The following EVA1C variants were observed in gnomAD, a reference collection of about 807,000 sequenced individuals.
The protein encoded by EVA1C is eva-1 homolog C, also known as protein eva-1 homolog C.
A neutral mutation model predicts 45.4 loss-of-function variants in EVA1C; 25 were observed. The ratio of observed to expected loss-of-function variants is 0.55; its 90% CI spans 0.40 to 0.77. EVA1C has a LOEUF of 0.77. Among genes scored for constraint, EVA1C ranks in the 30% least tolerant of loss-of-function variants. The pLI, the probability that EVA1C is intolerant of heterozygous loss-of-function variation, is 0.00. For synonymous variants in EVA1C, 190 were observed against 221.2 expected (o/e 0.86, Z 1.25); for missense variants, 479 against 554.8 (o/e 0.86, Z 1.37).
rs547743305 is a variant in EVA1C at position 32,437,549 on chromosome 21, A to G, written c.161-15763A>G. ...TAAGATTCAGACTTCTTAGCAAGGC[A>G]CTGCTTATTTCTCCAGCCTCTGTGA... is the stretch of plus-strand genomic sequence containing the variant. On this transcript the variant is annotated intron_variant, in intron 1 of 7. Coordinates refer to ENST00000300255, the MANE Select transcript of EVA1C (RefSeq NM_058187.5). 6.6e-5 allele frequency among the ~76,000 whole-genome samples: 10 copies of G among 152,340 alleles called. No individual in the cohort carries two copies. The South Asian group carries it at 2.1e-3, about 32-fold the overall frequency.
At chr21:32,507,427 C>T (rs1401038256) in intron 7 of EVA1C, among the ~76,000 whole-genome samples, 4 of 136,340 alleles carry the variant, frequency 2.9e-5, no homozygotes, top group African/African-American at 5.6e-5. Flanking sequence ...TATGTGTGCA[C>T]GTGTGTGTGC....
chr21:32,485,191 CT>C (rs374205281), intron 4 of EVA1C, among the ~76,000 whole-genome samples: 1 of 151,454 alleles, frequency 6.6e-6, no homozygotes, highest in Non-Finnish European at 1.5e-5. Flanking sequence ...TGATCACTCT[CT>C]TTTTTTTTGA....
chr21:32,465,777 TG>T (rs1320969883), intron 3 of EVA1C, among the ~76,000 whole-genome samples: 3 of 152,228 alleles, frequency 2.0e-5, no homozygotes, highest in Non-Finnish European at 2.9e-5. Context: ...GGATTACAGG[TG>T]TGAGCCACCA....
chr21:32,433,676 T>C (rs1013042661), intron 1 of EVA1C, among the ~76,000 whole-genome samples: 3 of 152,178 alleles, frequency 2.0e-5, no homozygotes, highest in Non-Finnish European at 4.4e-5. Flanking sequence ...TTCATAAAGG[T>C]GAACATTTCA....
intron 4 of EVA1C, among the ~76,000 whole-genome samples, chr21:32,476,768 C>T (rs986910403): frequency 6.6e-6 from 1 of 152,176 alleles, no homozygotes; most frequent in Non-Finnish European, 1.5e-5. Context: ...CTGCCCGAGG[C>T]CTGGCTGCCA....
intron 5 of EVA1C, among the ~76,000 whole-genome samples, chr21:32,498,885 C>T (rs1047200894): frequency 7.9e-5 from 12 of 152,120 alleles, no homozygotes; most frequent in African/African-American, 1.7e-4. Flanking sequence ...CCCCAGTCCC[C>T]GACCTCATTC....
intron 7 of EVA1C, among the ~76,000 whole-genome samples, chr21:32,505,496 G>T (rs1196781643): frequency 3.9e-5 from 6 of 152,160 alleles, no homozygotes; most frequent in Admixed American, 6.5e-5. Flanking sequence ...CCGACATTGC[G>T]CTCAGTGAGC....
intron 4 of EVA1C, among the ~76,000 whole-genome samples, chr21:32,473,526 T>C (rs1045696963): frequency 6.6e-6 from 1 of 152,184 alleles, no homozygotes; most frequent in Non-Finnish European, 1.5e-5. Context: ...TTCAGTCCCA[T>C]GGGCAGAGCA....
At chr21:32,459,341 G>A (rs2035911408) in intron 3 of EVA1C, among the ~76,000 whole-genome samples, 1 of 152,074 alleles carries the variant, frequency 6.6e-6, no homozygotes, top group Non-Finnish European at 1.5e-5. Context: ...CCGCCCCTAG[G>A]CATTGGGATC....
rs114492957 is a variant in EVA1C at position 32,444,273 on chromosome 21, C to T, written c.161-9039C>T. 7.5e-3 allele frequency among the ~76,000 whole-genome samples: 1,135 copies of T among 152,238 alleles called. 11 individuals are homozygous for T. The highest frequency in any genetic ancestry group is 0.026 in the African/African-American group (1,087 of 41,538). On this transcript the variant is annotated intron_variant, in intron 1 of 7. Coordinates refer to ENST00000300255, the MANE Select transcript of EVA1C (RefSeq NM_058187.5). ...CATCTACCTGGAGACAGCATCATAT[C>T]CCACAGAATGAGTCTCGGTCCCCAA... is the stretch of plus-strand genomic sequence containing the variant.
chr21:32,497,419 G>A (rs1568945390), intron 5 of EVA1C: 5 of 312,686 alleles, frequency 1.6e-5, no homozygotes, highest in Non-Finnish European at 1.2e-5. Context: ...AGAAGACAAG[G>A]TATGAAGGTA....
chr21:32,459,822 CAG>C (rs1248626247), intron 3 of EVA1C, among the ~76,000 whole-genome samples: 1 of 122,784 alleles, frequency 8.1e-6, no homozygotes, highest in Non-Finnish European at 1.6e-5. Context: ...GCCTGGGTGA[CAG>C]AGCGAGACTG....
intron 5 of EVA1C, among the ~76,000 whole-genome samples, chr21:32,496,375 A>G (rs1413057592): frequency 1.3e-5 from 2 of 152,200 alleles, no homozygotes; most frequent in Non-Finnish European, 2.9e-5. Context: ...GCATCCTTAG[A>G]ATTTTATATC....
intron 3 of EVA1C, 74 bp from the exon 4 acceptor site, chr21:32,467,622 T>TG: frequency 6.9e-7 from 1 of 1,442,372 alleles, no homozygotes; most frequent in South Asian, 1.4e-5. Flanking sequence ...AAATGAGCAA[T>TG]GGGACTTGGA....
intron 2 of EVA1C, among the ~76,000 whole-genome samples, chr21:32,455,117 G>T (rs1215729661): frequency 6.6e-6 from 1 of 152,162 alleles, no homozygotes; most frequent in Non-Finnish European, 1.5e-5. Context: ...AGGTCAGGAA[G>T]TCCAAGAGCA....
chr21:32,462,159 G>A (rs1345276604), intron 3 of EVA1C, among the ~76,000 whole-genome samples: 2 of 151,100 alleles, frequency 1.3e-5, no homozygotes, highest in South Asian at 2.1e-4. Context: ...GCCAAGGCAG[G>A]AGAATCATTT....
chr21:32,506,850 C>T (rs1459738893), intron 7 of EVA1C, among the ~76,000 whole-genome samples: 3 of 152,310 alleles, frequency 2.0e-5, no homozygotes, highest in African/African-American at 7.2e-5. Flanking sequence ...GTCGCATCCC[C>T]GGCCCCACTG....
chr21:32,459,102 C>T (rs192904524), intron 3 of EVA1C, among the ~76,000 whole-genome samples: 9 of 152,188 alleles, frequency 5.9e-5, no homozygotes, highest in East Asian at 5.8e-4. Flanking sequence ...ACATAACAGA[C>T]GCTCCTCACA....
In EVA1C at chr21:32,515,024, C is replaced by T. The variant is rs948984559; in HGVS notation, c.1160C>T (p.Pro387Leu). 6.2e-7 allele frequency: 1 copy of T among 1,613,978 alleles called. No individual in the cohort carries two copies. The highest frequency in any genetic ancestry group is 1.3e-5 in the African/African-American group (1 of 74,920). The change falls in exon 8 of 8, where the codon CCA becomes CTA. Residue 387 changes from proline to leucine, a missense_variant. Physicochemically the swap from Pro to Leu is moderately conservative, Grantham distance 98. Coordinates refer to ENST00000300255, the MANE Select transcript of EVA1C (RefSeq NM_058187.5). The stretch of plus-strand genomic sequence containing the variant: ...GAGGACCCCTCTGAGTCTGATTTCC[C>T]AGGGGAACTGTCGGGGTTCTGTAGG... ...EEEDPSESDFPGELSGFCRTS... is the reference protein window; with the variant it reads ...EEEDPSESDFLGELSGFCRTS...
Sources: gnomAD v4.1 joint callset for allele counts (sites outside exome capture counted in the v4.1 genomes callset) on GRCh38, gnomAD v4.1.1 for gene constraint, MANE v1.5 for transcripts, NCBI Gene and HGNC (gene_info 2026-07-23, HGNC 2026-07-21) for gene names.